The following RANBP2 variants were observed in gnomAD, a reference collection of about 807,000 sequenced individuals.
RANBP2 encodes E3 SUMO-protein ligase RanBP2.
RANBP2 carries 57 observed loss-of-function variants against 303.6 expected under a neutral mutation model. The observed-to-expected ratio is 0.19, with a 90% CI of 0.15 to 0.23. RANBP2 has a LOEUF of 0.23. RANBP2 is among the 10% of genes least tolerant of loss of function. The pLI, the probability that RANBP2 is intolerant of heterozygous loss-of-function variation, is 1.00. For synonymous variants in RANBP2, 1,167 were observed against 1,301.5 expected, an observed-to-expected ratio of 0.90 and a Z score of 2.23; for missense variants, 3,138 against 3,780.8, an observed-to-expected ratio of 0.83 and a Z score of 4.46.
the RANBP2 span, among the ~76,000 whole-genome samples, chr2:108,916,230 T>G: frequency 6.6e-6 from 1 of 152,174 alleles, no homozygotes; most frequent in African/African-American, 2.4e-5. Flanking sequence ...CAAGGGAGCT[T>G]AAGATACACT....
the RANBP2 span, among the ~76,000 whole-genome samples, chr2:109,389,930 T>G: frequency 1.3e-5 from 2 of 152,184 alleles, no homozygotes; most frequent in African/African-American, 4.8e-5. Context: ...CTCCTGAATC[T>G]GTGCCAGCCA....
the RANBP2 span, among the ~76,000 whole-genome samples, chr2:109,405,671 A>C: frequency 6.6e-6 from 1 of 152,136 alleles, no homozygotes; most frequent in Admixed American, 6.5e-5. Flanking sequence ...ACCATCTGAC[A>C]TGTTCACCTC....
the RANBP2 span, among the ~76,000 whole-genome samples, chr2:109,486,010 C>T: frequency 8.5e-5 from 13 of 152,244 alleles, no homozygotes; most frequent in African/African-American, 2.4e-4. Flanking sequence ...TCAGTGTGTG[C>T]GCTCCAGCCA....
chr2:109,498,864 G>A, the RANBP2 span, among the ~76,000 whole-genome samples: 1 of 152,220 alleles, frequency 6.6e-6, no homozygotes, highest in African/African-American at 2.4e-5. Context: ...TGGCCACACA[G>A]GGAAGGGCGT....
chr2:109,523,015 T>C, the RANBP2 span, among the ~76,000 whole-genome samples: 1,650 of 152,300 alleles, frequency 0.011, 30 homozygotes, highest in African/African-American at 0.036. Context: ...TGTCAGGCAC[T>C]GTCACTCCAT....
intron 1 of RANBP2, among the ~76,000 whole-genome samples, chr2:108,723,892 CATT>C (rs930223913): frequency 4.0e-5 from 6 of 151,124 alleles, no homozygotes; most frequent in Non-Finnish European, 7.4e-5. Flanking sequence ...CAGCTTAAAA[CATT>C]GATTGATTGA....
the RANBP2 span, chr2:109,615,464 CAACA>C: frequency 6.2e-7 from 1 of 1,613,376 alleles, no homozygotes; most frequent in Non-Finnish European, 8.5e-7. Flanking sequence ...TCAACTTCGC[CAACA>C]AACACCAGCT....
At chr2:109,437,066 C>T in the RANBP2 span, 3 of 1,613,714 alleles carry the variant, frequency 1.9e-6, no homozygotes, top group South Asian at 1.1e-5. Flanking sequence ...CAGCACCCCA[C>T]AGCCTCGCCC....
At chr2:109,704,143 G>A in the RANBP2 span, among the ~76,000 whole-genome samples, 2 of 152,272 alleles carry the variant, frequency 1.3e-5, no homozygotes, top group South Asian at 2.1e-4. Context: ...ATCTGGAAGT[G>A]GGCTGAGAAA....
At chr2:109,493,004 A>G in the RANBP2 span, among the ~76,000 whole-genome samples, 1 of 152,038 alleles carries the variant, frequency 6.6e-6, no homozygotes, top group Non-Finnish European at 1.5e-5. Flanking sequence ...CACTGTGCAA[A>G]CATACACTCA....
At chr2:109,055,753 T>G in the RANBP2 span, among the ~76,000 whole-genome samples, 1 of 126,232 alleles carries the variant, frequency 7.9e-6, no homozygotes, top group African/African-American at 3.0e-5. Context: ...TTGTGACAGC[T>G]CTAACATTTT....
the RANBP2 span, among the ~76,000 whole-genome samples, chr2:108,940,023 G>A: frequency 2.6e-5 from 4 of 152,328 alleles, no homozygotes; most frequent in Admixed American, 6.5e-5. Context: ...TGAAAGACAC[G>A]CTACTAGAAT....
At chr2:109,278,899 T>C in the RANBP2 span, among the ~76,000 whole-genome samples, 1 of 152,172 alleles carries the variant, frequency 6.6e-6, no homozygotes, top group Admixed American at 6.5e-5. Flanking sequence ...GGATGAGTGT[T>C]TGCTGGGCAG....
At chr2:109,123,059 C>T in the RANBP2 span, among the ~76,000 whole-genome samples, 2 of 152,112 alleles carry the variant, frequency 1.3e-5, no homozygotes, top group Admixed American at 6.5e-5. Flanking sequence ...CGATGTAGCC[C>T]ACAGTTGTGC....
the RANBP2 span, among the ~76,000 whole-genome samples, chr2:108,830,022 A>G: frequency 1.3e-5 from 2 of 152,200 alleles, no homozygotes; most frequent in African/African-American, 4.8e-5. Flanking sequence ...CACAAGGTAA[A>G]TGCTCATCCA....
the RANBP2 span, among the ~76,000 whole-genome samples, chr2:108,820,723 C>T: frequency 1.6e-4 from 8 of 48,582 alleles, no homozygotes; most frequent in Non-Finnish European, 3.3e-4. Context: ...AAACAAACAA[C>T]AAAACTGTTA....
At chr2:108,980,495 T>C in the RANBP2 span, among the ~76,000 whole-genome samples, 1 of 151,880 alleles carries the variant, frequency 6.6e-6, no homozygotes, top group African/African-American at 2.4e-5. Context: ...ATAATACTTA[T>C]GTGATATTAT....
the RANBP2 span, among the ~76,000 whole-genome samples, chr2:109,202,287 G>A: frequency 2.0e-5 from 3 of 152,150 alleles, no homozygotes; most frequent in Non-Finnish European, 4.4e-5. Context: ...TCTCGGCAGC[G>A]TCTGGACCCC....
chr2:109,445,636 G>A, the RANBP2 span, among the ~76,000 whole-genome samples: 1 of 152,072 alleles, frequency 6.6e-6, no homozygotes, highest in East Asian at 1.9e-4. Flanking sequence ...CTAATAAAGA[G>A]GCTAAATATA....
Sources: allele counts gnomAD v4.1 joint callset (sites outside exome capture counted in the v4.1 genomes callset), GRCh38; gene constraint gnomAD v4.1.1; transcripts MANE v1.5; gene names NCBI Gene and HGNC (gene_info 2026-07-23, HGNC 2026-07-21).